The following CIROZ variants were observed in gnomAD, a reference collection of about 807,000 sequenced individuals.
CIROZ encodes ciliated left-right organizer protein containing ZP-N domains, also known as ciliated left-right organizer ZP-N domains-containing protein.
the CIROZ span, among the ~76,000 whole-genome samples, chr1:10,970,543 C>T: frequency 2.6e-5 from 4 of 151,962 alleles, no homozygotes; most frequent in East Asian, 3.9e-4. Flanking sequence ...GCAGGAGAAT[C>T]GCTTGAACCT....
chr1:10,955,102 T>C, the CIROZ span: 18 of 1,614,112 alleles, frequency 1.1e-5, no homozygotes, highest in East Asian at 3.1e-4. Flanking sequence ...GCTCAGGGTT[T>C]CCTCAATGTA....
the CIROZ span, among the ~76,000 whole-genome samples, chr1:10,961,431 A>G: frequency 1.4e-4 from 21 of 147,968 alleles, no homozygotes; most frequent in Non-Finnish European, 2.6e-4. Context: ...GGAACTTTAG[A>G]GAGTCCAACA....
chr1:10,948,785 G>A, the CIROZ span: 1 of 1,518,130 alleles, frequency 6.6e-7, no homozygotes, highest in Non-Finnish European at 8.8e-7. Flanking sequence ...GGAGAATGGA[G>A]GCAGATGTCT....
chr1:10,961,182 C>G, the CIROZ span, among the ~76,000 whole-genome samples: 10 of 152,214 alleles, frequency 6.6e-5, no homozygotes, highest in Non-Finnish European at 1.2e-4. Flanking sequence ...GCAACACCGT[C>G]CCCCTAGCGG....
At chr1:10,978,582 C>A in the CIROZ span, among the ~76,000 whole-genome samples, 7 of 151,868 alleles carry the variant, frequency 4.6e-5, no homozygotes, top group Non-Finnish European at 1.5e-5. Flanking sequence ...TGGTGGCATG[C>A]GCTTGTGGTC....
the CIROZ span, among the ~76,000 whole-genome samples, chr1:10,974,960 C>G: frequency 6.6e-6 from 1 of 152,040 alleles, no homozygotes; most frequent in African/African-American, 2.4e-5. The surrounding 1 kb of genome is among the most constrained non-coding windows in gnomAD (Gnocchi z 4.4). Context: ...AATAGCCCCC[C>G]CTTCACTGAC....
the CIROZ span, chr1:10,947,513 G>T: frequency 1.6e-6 from 1 of 621,946 alleles, no homozygotes. Context: ...GCTGAGCACA[G>T]TGATCATCTG....
the CIROZ span, among the ~76,000 whole-genome samples, chr1:10,963,097 T>TA: frequency 0.43 from 65,830 of 151,580 alleles, 17,023 homozygotes; most frequent in African/African-American, 0.71. Flanking sequence ...CCTGTCTCTT[T>TA]AAAAAAACAG....
the CIROZ span, chr1:10,947,834 T>C: frequency 1.2e-6 from 2 of 1,602,310 alleles, no homozygotes; most frequent in Non-Finnish European, 1.7e-6. Context: ...GCAACACTCC[T>C]GTGGGAGCCC....
At chr1:10,976,749 C>A in the CIROZ span, among the ~76,000 whole-genome samples, 2 of 149,604 alleles carry the variant, frequency 1.3e-5, no homozygotes, top group South Asian at 2.1e-4. Flanking sequence ...ACAAAATAAT[C>A]TCAGATAATA....
the CIROZ span, chr1:10,949,264 T>C: frequency 3.7e-6 from 1 of 268,144 alleles, no homozygotes; most frequent in African/African-American, 2.3e-5. Flanking sequence ...AACTGTGACC[T>C]CTGGGTCTCC....
chr1:10,948,721 T>C, the CIROZ span: 1 of 1,561,526 alleles, frequency 6.4e-7, no homozygotes, highest in South Asian at 1.2e-5. Context: ...TGTCCAGGGA[T>C]CCCTGCTTCC....
At chr1:10,948,911 C>G in the CIROZ span, 15 of 1,403,758 alleles carry the variant, frequency 1.1e-5, no homozygotes, top group Non-Finnish European at 1.4e-5. Context: ...TCCGGCTGCC[C>G]TGAGAATCTC....
chr1:10,954,942 G>T, the CIROZ span: 2 of 1,533,418 alleles, frequency 1.3e-6, no homozygotes, highest in Middle Eastern at 2.4e-4. Context: ...AAAGGAGAAG[G>T]GCCTCAGGAA....
the CIROZ span, chr1:10,948,460 T>G: frequency 6.2e-7 from 1 of 1,613,980 alleles, no homozygotes. Context: ...AGGAGGGGAC[T>G]TCCTGGAGAC....
the CIROZ span, among the ~76,000 whole-genome samples, chr1:10,972,624 G>A: frequency 0.034 from 5,112 of 152,292 alleles, 289 homozygotes; most frequent in African/African-American, 0.11. Flanking sequence ...CAACCTATGT[G>A]ACCTGGGGCG....
chr1:10,981,728 C>T, the CIROZ span, among the ~76,000 whole-genome samples: 1 of 152,178 alleles, frequency 6.6e-6, no homozygotes, highest in African/African-American at 2.4e-5. Context: ...GTTCTGTTTT[C>T]TCCCAATCTT....
chr1:10,975,277 A>G, the CIROZ span, among the ~76,000 whole-genome samples: 1 of 152,064 alleles, frequency 6.6e-6, no homozygotes, highest in African/African-American at 2.4e-5. Context: ...GTGGTGGCTC[A>G]TGCCTATAAT....
At chr1:10,948,483 T>C in the CIROZ span, 1 of 1,614,108 alleles carries the variant, frequency 6.2e-7, no homozygotes, top group Non-Finnish European at 8.5e-7. Context: ...GGCGGGGTCC[T>C]GTTCAGGCCT....
Sources: allele counts gnomAD v4.1 joint callset (sites outside exome capture counted in the v4.1 genomes callset), GRCh38; gene constraint gnomAD v4.1.1; non-coding constraint Gnocchi (gnomAD v3.1); transcripts MANE v1.5; gene names NCBI Gene and HGNC (gene_info 2026-07-23, HGNC 2026-07-21).